The following SH3TC1 variants were observed in gnomAD, a reference collection of about 807,000 sequenced individuals.
The protein encoded by SH3TC1 is SH3 domain and tetratricopeptide repeats 1.
In SH3TC1, 135 loss-of-function variants were observed where a neutral mutation model predicts 117.3. The ratio of observed to expected loss-of-function variants is 1.15; its 90% CI spans 1.00 to 1.33. SH3TC1 has a LOEUF of 1.33. SH3TC1 is among the 40% of genes most tolerant of loss of function. The probability of loss-of-function intolerance (pLI) is 0.00; values close to 1 mark genes in which losing one functional copy is unlikely to be tolerated. For synonymous variants in SH3TC1, 898 were observed against 816.9 expected (o/e 1.10, Z -1.69); for missense variants, 2,092 against 1,794.3 (o/e 1.17, Z -3.00).
chr4:8,196,717 T>C (rs912748638), upstream of SH3TC1, among the ~76,000 whole-genome samples: 9 of 151,530 alleles, frequency 5.9e-5, no homozygotes, highest in African/African-American at 1.2e-4. This position sits in a 1 kb window ranked among gnomAD's most constrained non-coding sequence, Gnocchi z 4.6. Context: ...TGAGCCCTGA[T>C]GGGAGAAGGA....
intron 1 of SH3TC1, among the ~76,000 whole-genome samples, chr4:8,200,812 G>A (rs1717783065): frequency 6.6e-6 from 1 of 152,204 alleles, no homozygotes; most frequent in East Asian, 1.9e-4. Context: ...GGCGCTCCTT[G>A]GCTGTGATTA....
rs895212775 is a variant in SH3TC1 at position 8,192,324 on chromosome 4, C to T, written c.-57+10114C>T. ...AGTCACCTTTAAAATGAAAGGGCCA[C>T]GGAATCACCAGGAACTCTCCTTCCT... On this transcript the variant is annotated intron_variant, in intron 1 of 16. Transcript: ENST00000508641. The surrounding 1 kb of genome is among the most constrained non-coding windows in gnomAD (Gnocchi z 4.1). Among the ~76,000 whole-genome samples, 7 of 151,734 alleles carry T rather than the reference C, an allele frequency of 4.6e-5. No homozygotes were observed. Among genetic ancestry groups the T allele is most frequent in the East Asian group, 2.0e-4 (1 of 5,104 alleles).
Position 8,209,631 on chromosome 4 carries a change from T to A in SH3TC1, c.173-117T>A. On this transcript the variant is annotated intron_variant, in intron 2 of 17. Transcript: ENST00000245105. This position sits in a 1 kb window ranked among gnomAD's most constrained non-coding sequence, Gnocchi z 5.9. ...GGAAGGCAGCTGTGGGAAAGGCGGC[T>A]CGTGCGGGACAGAACTCACCTCTTT... The A allele has an allele frequency of 6.5e-7, 1 of 1,544,498 alleles. No homozygotes were observed.
chr4:8,213,394 C>G (rs1043419254), intron 4 of SH3TC1, among the ~76,000 whole-genome samples: 1 of 152,222 alleles, frequency 6.6e-6, no homozygotes, highest in Non-Finnish European at 1.5e-5. Context: ...CAGCCACATA[C>G]TGGGGATGCT....
At chr4:8,197,144 C>T (rs1220023627), upstream of SH3TC1, among the ~76,000 whole-genome samples, 1 of 152,152 alleles carries the variant, frequency 6.6e-6, no homozygotes, top group African/African-American at 2.4e-5. Context: ...GACACAGACA[C>T]AGAGGAGGAG....
chr4:8,238,894 G>T (rs561626908), intron 17 of SH3TC1, among the ~76,000 whole-genome samples: 4 of 152,314 alleles, frequency 2.6e-5, no homozygotes, highest in African/African-American at 9.6e-5. Context: ...GGGCCTCATG[G>T]TGACTGTGCT....
At position 8,202,620 on chromosome 4, in the gene SH3TC1, G is replaced by T. The variant is rs10010420; in HGVS notation, c.-28-2547G>T. 5.1e-3 allele frequency among the ~76,000 whole-genome samples: 774 copies of T among 152,292 alleles called. 2 individuals carry two copies. The highest frequency in any genetic ancestry group is 0.018 in the African/African-American group (738 of 41,564). On this transcript the variant is annotated intron_variant, in intron 1 of 17. Transcript: ENST00000245105. The stretch of plus-strand genomic sequence containing the variant: ...AGATTACAGTTGGAGCAGGTGTGCA[G>T]ATGGAAGGTGGGGTGCCGGGGCACT...
intron 1 of SH3TC1, among the ~76,000 whole-genome samples, chr4:8,201,968 T>C (rs371302813): frequency 1.3e-5 from 2 of 152,200 alleles, no homozygotes; most frequent in Admixed American, 6.5e-5. Flanking sequence ...AAGGCAGAGA[T>C]GGGAGGACAA....
rs530537479 is a variant in SH3TC1 at position 8,214,575 on chromosome 4, C to T, written c.476C>T (p.Ala159Val). The T allele has an allele frequency of 3.1e-6, 5 of 1,613,718 alleles. No homozygotes were observed. Among genetic ancestry groups the T allele is most frequent in the East Asian group, 2.2e-5 (1 of 44,876 alleles). Residue 159 changes from alanine to valine, a missense_variant, in exon 5 of 18, where the codon GCT becomes GTT. Ala to Val is a moderately conservative substitution (Grantham distance 64). Transcript: ENST00000245105. ...ATCTGGAAGTTTTCCACCTACCATG[C>T]TCTCGGTAAAGAGGTGACCCTCCCA... ...EEIWKFSTYH[A>V]LGFTHHCLAN...
In SH3TC1 at chr4:8,234,633, A is replaced by T. The variant is rs116507540; in HGVS notation, c.3283-800A>T. Among the ~76,000 whole-genome samples, 1,245 of 152,224 alleles carry T rather than the reference A, an allele frequency of 8.2e-3. 22 individuals carry two copies. The highest frequency in any genetic ancestry group is 0.028 in the African/African-American group (1,174 of 41,522). On this transcript the variant is annotated intron_variant, in intron 14 of 17. Coordinates refer to ENST00000245105, the MANE Select transcript of SH3TC1 (RefSeq NM_018986.5). ...TACCTATACATCTGCTCATCCATTT[A>T]TCCATCCATCCACTCATTCCTAAGC...
chr4:8,209,251 G>A lies in SH3TC1; in HGVS notation c.173-497G>A, dbSNP rs548189508. Among the ~76,000 whole-genome samples the A allele has an allele frequency of 1.3e-5, 2 of 152,378 alleles. No individual in the cohort carries two copies. Among genetic ancestry groups the A allele is most frequent in the East Asian group, 3.9e-4 (2 of 5,192 alleles). On this transcript the variant is annotated intron_variant, in intron 2 of 17. Transcript: ENST00000245105. The surrounding 1 kb of genome is among the most constrained non-coding windows in gnomAD (Gnocchi z 5.9). ...GGCAAGGATCTCGAGATGGAGAGAT[G>A]ATCCCGGATGCTCCAGTGGGCCCTC...
At chr4:8,219,787 G>A (rs556297723) in intron 9 of SH3TC1, among the ~76,000 whole-genome samples, 6 of 152,294 alleles carry the variant, frequency 3.9e-5, no homozygotes, top group Admixed American at 6.5e-5. Flanking sequence ...TCATCTTTCC[G>A]TGGCTACCGT....
rs545481014 is a variant in SH3TC1, at chr4:8,202,145, A to G, written c.-29+2740A>G. 3.3e-5 allele frequency among the ~76,000 whole-genome samples: 5 copies of G among 152,214 alleles called. No individual in the cohort carries two copies. In the East Asian group the frequency reaches 9.7e-4, roughly 30 times the overall value. Reference sequence around the variant, plus strand: ...CAGGGGCTTCCTGGTGCTGCCACAGACTCAGGGCCAGGTGGTGGGCACAGG... The same window carrying G: ...CAGGGGCTTCCTGGTGCTGCCACAGGCTCAGGGCCAGGTGGTGGGCACAGG... On this transcript the variant is annotated intron_variant, in intron 1 of 17. Transcript: ENST00000245105.
In SH3TC1 at chr4:8,206,431, G is replaced by C. The variant is rs979440347; in HGVS notation, c.172+1065G>C. On this transcript the variant is annotated intron_variant, in intron 2 of 17. Transcript: ENST00000245105. This position sits in a 1 kb window ranked among gnomAD's most constrained non-coding sequence, Gnocchi z 5.5. ...AGGGCCACGAGTGCACAAGGAGACT[G>C]AGACGCGCAGGAGGGCCCTGGCCAG... Among the ~76,000 whole-genome samples the C allele has an allele frequency of 6.6e-6, 1 of 152,096 alleles. No individual in the cohort carries two copies. Among genetic ancestry groups the C allele is most frequent in the Admixed American group, 6.5e-5 (1 of 15,280 alleles).
At chr4:8,221,845 G>A (rs1719948614) in intron 9 of SH3TC1, among the ~76,000 whole-genome samples, 1 of 152,178 alleles carries the variant, frequency 6.6e-6, no homozygotes, top group Admixed American at 6.5e-5. Context: ...CAGACGTCAT[G>A]TCTTGCCTCC....
intron 12 of SH3TC1, among the ~76,000 whole-genome samples, chr4:8,229,412 GGTGA>G (rs1026423119): frequency 3.5e-5 from 5 of 141,288 alleles, no homozygotes; most frequent in East Asian, 4.3e-4. Context: ...AGCGAGTAGG[GGTGA>G]GTGAGTGGGG....
intron 1 of SH3TC1, among the ~76,000 whole-genome samples, chr4:8,188,883 C>T (rs527314451): frequency 0.014 from 2,166 of 152,330 alleles, 36 homozygotes; most frequent in Non-Finnish European, 0.025. Context: ...CCTGTCTCTC[C>T]GGTGTCCCAG....
At chr4:8,224,920 C>T (rs1720317437) in intron 10 of SH3TC1, 2 of 495,384 alleles carry the variant, frequency 4.0e-6, no homozygotes, top group African/African-American at 3.9e-5. Flanking sequence ...TTCTCTGGCC[C>T]ATTGGCTGGT....
intron 16 of SH3TC1, chr4:8,237,139 C>G (rs1232203607): frequency 6.8e-6 from 2 of 293,114 alleles, no homozygotes; most frequent in Non-Finnish European, 1.3e-5. Flanking sequence ...GATGTCATGT[C>G]TGTGGGTTGC....
Sources: allele counts gnomAD v4.1 joint callset (sites outside exome capture counted in the v4.1 genomes callset), GRCh38; gene constraint gnomAD v4.1.1; non-coding constraint Gnocchi (gnomAD v3.1); transcripts MANE v1.5; gene names NCBI Gene and HGNC (gene_info 2026-07-23, HGNC 2026-07-21).